Variants in KLF12 observed in about 807,000 individuals in gnomAD.
KLF12 encodes KLF transcription factor 12, also known as Krueppel-like factor 12.
A neutral mutation model predicts 37.8 loss-of-function variants in KLF12; 9 were observed. The observed-to-expected ratio is 0.24, with a 90% CI of 0.14 to 0.42. KLF12 has a LOEUF of 0.42. Among genes scored for constraint, KLF12 ranks in the 10% least tolerant of loss-of-function variants. The probability of loss-of-function intolerance (pLI) is 1.00; values close to 1 mark genes in which losing one functional copy is unlikely to be tolerated. For synonymous variants in KLF12, 208 were observed against 202.1 expected (o/e 1.03, Z -0.25); for missense variants, 411 against 516.0 (o/e 0.80, Z 1.97).
At chr13:74,066,967 G>A (rs1805215543) in intron 1 of KLF12, among the ~76,000 whole-genome samples, 1 of 152,278 alleles carries the variant, frequency 6.6e-6, no homozygotes, top group Admixed American at 6.5e-5. Flanking sequence ...CATCTGCTAA[G>A]GATCAAAAAG....
chr13:74,018,339 T>C (rs1377668383), intron 1 of KLF12, among the ~76,000 whole-genome samples: 1 of 152,186 alleles, frequency 6.6e-6, no homozygotes, highest in African/African-American at 2.4e-5. Context: ...AAAGAATACA[T>C]ATTTGCAGTT....
intron 3 of KLF12, among the ~76,000 whole-genome samples, chr13:73,919,196 C>A (rs1162276758): frequency 6.6e-6 from 1 of 152,172 alleles, no homozygotes; most frequent in African/African-American, 2.4e-5. Context: ...TTTAGTTCAG[C>A]TGTTCCTTCA....
At chr13:74,230,949 G>A in the KLF12 span, among the ~76,000 whole-genome samples, 1 of 151,708 alleles carries the variant, frequency 6.6e-6, no homozygotes, top group African/African-American at 2.4e-5. Context: ...TTTTTGCTGT[G>A]TTAAATCCAA....
At chr13:74,078,055 C>T (rs1402431857) in intron 1 of KLF12, among the ~76,000 whole-genome samples, 1 of 152,096 alleles carries the variant, frequency 6.6e-6, no homozygotes, top group Non-Finnish European at 1.5e-5. Context: ...TGCAGCGACT[C>T]CATGTGAAGT....
At chr13:73,707,024 T>G (rs1875002125) in intron 7 of KLF12, among the ~76,000 whole-genome samples, 1 of 152,210 alleles carries the variant, frequency 6.6e-6, no homozygotes, top group African/African-American at 2.4e-5. Context: ...CTCATTACTT[T>G]ACCGTCCCTG....
chr13:74,184,688 A>G, the KLF12 span, among the ~76,000 whole-genome samples: 1 of 152,222 alleles, frequency 6.6e-6, no homozygotes, highest in Non-Finnish European at 1.5e-5. Context: ...AATCTACAGT[A>G]GGCTATATGG....
chr13:73,904,468 C>CTTTT (rs1888181265), intron 3 of KLF12, among the ~76,000 whole-genome samples: 1 of 51,286 alleles, frequency 1.9e-5, no homozygotes, highest in African/African-American at 7.0e-5. Flanking sequence ...TTCTTTCTTT[C>CTTTT]CTTTTTTTTT....
chr13:74,303,023 A>G, the KLF12 span, among the ~76,000 whole-genome samples: 1 of 152,116 alleles, frequency 6.6e-6, no homozygotes. Flanking sequence ...AAGCCAGGAC[A>G]CTTTTGAAAA....
the KLF12 span, among the ~76,000 whole-genome samples, chr13:74,154,363 T>C: frequency 6.6e-6 from 1 of 151,766 alleles, no homozygotes; most frequent in East Asian, 1.9e-4. Context: ...TTTACATCCC[T>C]AGACAAAAAA....
intron 3 of KLF12, among the ~76,000 whole-genome samples, chr13:73,876,316 T>A (rs1356422694): frequency 6.6e-6 from 1 of 152,190 alleles, no homozygotes; most frequent in Admixed American, 6.5e-5. Context: ...CAGCTTTTAG[T>A]GGCTACTCTC....
At chr13:74,098,660 C>T (rs1471371395) in intron 1 of KLF12, among the ~76,000 whole-genome samples, 1 of 152,142 alleles carries the variant, frequency 6.6e-6, no homozygotes, top group Non-Finnish European at 1.5e-5. Context: ...TCCAACAAAG[C>T]AGGAATGCAT....
chr13:74,086,997 T>C (rs946556481), intron 1 of KLF12, among the ~76,000 whole-genome samples: 6 of 152,084 alleles, frequency 3.9e-5, no homozygotes, highest in African/African-American at 1.4e-4. Flanking sequence ...GGTCTTGCTG[T>C]CTTGGGGTGG....
intron 2 of KLF12, among the ~76,000 whole-genome samples, chr13:73,959,386 C>T (rs1012075483): frequency 2.6e-5 from 4 of 151,998 alleles, no homozygotes; most frequent in Non-Finnish European, 5.9e-5. Context: ...AATTGTTCCT[C>T]TATGTCTACA....
chr13:73,710,346 C>A (rs1402521755), intron 7 of KLF12, among the ~76,000 whole-genome samples: 1 of 151,570 alleles, frequency 6.6e-6, no homozygotes, highest in Admixed American at 6.6e-5. Flanking sequence ...TATTTTCCTG[C>A]ACTTCACTTT....
the KLF12 span, among the ~76,000 whole-genome samples, chr13:74,255,321 C>T: frequency 5.6e-4 from 85 of 152,322 alleles, no homozygotes; most frequent in Non-Finnish European, 9.4e-4. Flanking sequence ...TCACTCAGCA[C>T]ATTGCATGTG....
At chr13:73,801,664 T>C (rs1882285230) in intron 5 of KLF12, 1 of 152,134 alleles carries the variant, frequency 6.6e-6, no homozygotes. Context: ...TGGTGAAGTA[T>C]GTGAAACAAA....
chr13:74,072,670 G>A (rs1874340441), intron 1 of KLF12, among the ~76,000 whole-genome samples: 1 of 151,904 alleles, frequency 6.6e-6, no homozygotes, highest in South Asian at 2.1e-4. Context: ...AGCTGTGATG[G>A]CTCCACTGCA....
intron 1 of KLF12, among the ~76,000 whole-genome samples, chr13:74,099,746 T>C (rs564843417): frequency 2.7e-4 from 41 of 152,300 alleles, no homozygotes; most frequent in African/African-American, 8.7e-4. Context: ...CCACTAGTCA[T>C]GGCTCTGTAG....
the KLF12 span, among the ~76,000 whole-genome samples, chr13:74,206,379 A>G: frequency 2.6e-5 from 4 of 152,196 alleles, no homozygotes; most frequent in African/African-American, 9.7e-5. Flanking sequence ...CAAATATTTT[A>G]AAATAGTATT....
Sources: allele counts gnomAD v4.1 joint callset (sites outside exome capture counted in the v4.1 genomes callset), GRCh38; gene constraint gnomAD v4.1.1; transcripts MANE v1.5; gene names NCBI Gene and HGNC (gene_info 2026-07-23, HGNC 2026-07-21).